Variants in BTRC observed in about 807,000 individuals in gnomAD.
The protein encoded by BTRC is F-box/WD repeat-containing protein 1A.
A neutral mutation model predicts 85.5 loss-of-function variants in BTRC; 42 were observed. The ratio of observed to expected loss-of-function variants is 0.49; its 90% CI spans 0.38 to 0.64. The LOEUF (loss-of-function observed/expected upper bound fraction) is 0.64, where lower values mean the gene tolerates loss of function less well. Ranked by LOEUF, BTRC falls within the 30% of genes least tolerant of loss-of-function variation. The pLI is 0.00. For missense variants in BTRC, 594 were observed against 743.5 expected (o/e 0.80, Z 2.34); for synonymous variants, 255 against 263.3 (o/e 0.97, Z 0.30).
At chr10:101,531,017 C>T (rs1368889050) in intron 6 of BTRC, among the ~76,000 whole-genome samples, 1 of 152,086 alleles carries the variant, frequency 6.6e-6, no homozygotes, top group Non-Finnish European at 1.5e-5. Context: ...TACTAAAATA[C>T]AAAAATTAGC....
chr10:101,518,202 G>A lies in BTRC; in HGVS notation c.325-3437G>A, dbSNP rs1048827386. Reference sequence around the variant, plus strand: ...GCTGGGATTACAGGCGTGAGCCACCGCGCCCGGCCGAAGTAGTGTCTTAAT... The same window carrying A: ...GCTGGGATTACAGGCGTGAGCCACCACGCCCGGCCGAAGTAGTGTCTTAAT... On this transcript the variant is annotated intron_variant, in intron 4 of 14. Transcript: ENST00000370187. 4.6e-5 allele frequency among the ~76,000 whole-genome samples: 7 copies of A among 152,122 alleles called. No homozygotes were observed. In the South Asian group the frequency reaches 8.3e-4, roughly 18 times the overall value.
At chr10:101,383,412 A>AT (rs963530326) in intron 1 of BTRC, among the ~76,000 whole-genome samples, 2 of 150,584 alleles carry the variant, frequency 1.3e-5, no homozygotes, top group African/African-American at 2.4e-5. Flanking sequence ...AAAAAAAAAA[A>AT]GGCTAGTCAA....
intron 1 of BTRC, among the ~76,000 whole-genome samples, chr10:101,368,511 A>C (rs1222420657): frequency 9.6e-6 from 1 of 104,136 alleles, no homozygotes; most frequent in African/African-American, 3.9e-5. Flanking sequence ...ACAGGGTCTC[A>C]CTCTGTTGCC....
chr10:101,387,305 CATTT>C (rs1943104273), intron 1 of BTRC, among the ~76,000 whole-genome samples: 1 of 151,278 alleles, frequency 6.6e-6, no homozygotes, highest in East Asian at 1.9e-4. Flanking sequence ...GTATCTCAGT[CATTT>C]ATTTTTTTTT....
At chr10:101,484,843 A>C (rs939271774) in intron 4 of BTRC, among the ~76,000 whole-genome samples, 3 of 152,246 alleles carry the variant, frequency 2.0e-5, no homozygotes, top group African/African-American at 7.2e-5. Context: ...CTTAATATTC[A>C]TATGAGCTTA....
intron 1 of BTRC, among the ~76,000 whole-genome samples, chr10:101,410,465 A>G (rs1242850743): frequency 6.6e-6 from 1 of 152,038 alleles, no homozygotes; most frequent in Non-Finnish European, 1.5e-5. Context: ...AAATACAAAT[A>G]TTAGCCAGGC....
chr10:101,367,062 A>G (rs1429795087), intron 1 of BTRC, among the ~76,000 whole-genome samples: 1 of 100,420 alleles, frequency 1.0e-5, no homozygotes, highest in Non-Finnish European at 1.9e-5. Context: ...ATATATAAAT[A>G]TAAATATATA....
At chr10:101,398,989 G>A (rs1225536457) in intron 1 of BTRC, among the ~76,000 whole-genome samples, 1 of 152,048 alleles carries the variant, frequency 6.6e-6, no homozygotes, top group East Asian at 1.9e-4. Context: ...GTCTCACTCT[G>A]TTGCCCAGAC....
At chr10:101,525,719 T>C (rs996693774) in intron 5 of BTRC, among the ~76,000 whole-genome samples, 1 of 152,178 alleles carries the variant, frequency 6.6e-6, no homozygotes, top group Non-Finnish European at 1.5e-5. Context: ...TAGATGTGAA[T>C]TGTTTTCTGG....
At chr10:101,371,927 G>A (rs1339378899) in intron 1 of BTRC, among the ~76,000 whole-genome samples, 3 of 151,872 alleles carry the variant, frequency 2.0e-5, no homozygotes, top group Non-Finnish European at 2.9e-5. Flanking sequence ...AAACCCAATC[G>A]TCATGCTTAC....
chr10:101,399,725 G>T (rs1163881987), intron 1 of BTRC, among the ~76,000 whole-genome samples: 2 of 152,060 alleles, frequency 1.3e-5, no homozygotes, highest in Non-Finnish European at 2.9e-5. Flanking sequence ...TTTTTAGATT[G>T]GTGTCTAAAG....
At chr10:101,391,601 A>G (rs554270318) in intron 1 of BTRC, among the ~76,000 whole-genome samples, 1 of 152,350 alleles carries the variant, frequency 6.6e-6, no homozygotes, top group African/African-American at 2.4e-5. Flanking sequence ...CAATGTTGAC[A>G]TGTACCTTAA....
intron 1 of BTRC, among the ~76,000 whole-genome samples, chr10:101,379,292 A>G (rs1211402017): frequency 6.6e-6 from 1 of 152,166 alleles, no homozygotes; most frequent in African/African-American, 2.4e-5. Flanking sequence ...TCATCAATAA[A>G]CTACATACAA....
chr10:101,366,340 A>T (rs951274796), intron 1 of BTRC, among the ~76,000 whole-genome samples: 6 of 152,256 alleles, frequency 3.9e-5, no homozygotes, highest in Middle Eastern at 3.4e-3. Flanking sequence ...GAGGGGGGTG[A>T]AGATACAAAG....
At chr10:101,479,568 GA>G in intron 4 of BTRC, 111 bp downstream of exon 4, 2 of 779,970 alleles carry the variant, frequency 2.6e-6, no homozygotes, top group Non-Finnish European at 3.8e-6. Context: ...ATATAGTTAA[GA>G]AAAAAATACA....
intron 2 of BTRC, among the ~76,000 whole-genome samples, chr10:101,446,790 A>T (rs568022385): frequency 9.2e-5 from 14 of 152,156 alleles, no homozygotes; most frequent in East Asian, 1.9e-4. Flanking sequence ...GCAAAACTTT[A>T]AAAAAAATTA....
In BTRC at chr10:101,366,769, TATATA is replaced by T. The variant is rs1469072543; in HGVS notation, c.48+12542_48+12546del. ...AGGGAGTTTGGACTTAATCTAGTTA[TATATA>T]TATATATATATATATTTTTACATTT... On this transcript the variant is annotated intron_variant, in intron 1 of 14. Transcript: ENST00000370187. 3.3e-4 allele frequency among the ~76,000 whole-genome samples: 16 copies of T among 48,070 alleles called. 1 individual carries two copies. Among genetic ancestry groups the T allele is most frequent in the Admixed American group, 1.6e-3 (5 of 3,040 alleles). 31.5% of individuals were successfully genotyped at this position (48,070 alleles called of 152,430 possible).
chr10:101,521,220 G>A (rs948213241), intron 4 of BTRC, among the ~76,000 whole-genome samples: 5 of 152,164 alleles, frequency 3.3e-5, no homozygotes, highest in African/African-American at 9.7e-5. Context: ...GCTGCAGTGA[G>A]CTATGATCTC....
chr10:101,415,377 T>A (rs1386024360), intron 1 of BTRC, among the ~76,000 whole-genome samples: 1 of 151,500 alleles, frequency 6.6e-6, no homozygotes, highest in Admixed American at 6.6e-5. Flanking sequence ...GGTTTCACCA[T>A]GTTGCCCAGG....
Sources: gnomAD v4.1 joint callset for allele counts (sites outside exome capture counted in the v4.1 genomes callset) on GRCh38, gnomAD v4.1.1 for gene constraint, MANE v1.5 for transcripts, NCBI Gene and HGNC (gene_info 2026-07-23, HGNC 2026-07-21) for gene names.